The following PCNX2 variants were observed in gnomAD, a reference collection of about 807,000 sequenced individuals.
PCNX2 encodes pecanex-like protein 2.
PCNX2 carries 168 observed loss-of-function variants against 223.8 expected under a neutral mutation model. The observed-to-expected ratio is 0.75, with a 90% CI of 0.66 to 0.85. The LOEUF (loss-of-function observed/expected upper bound fraction) is 0.85. Among genes scored for constraint, PCNX2 ranks in the 40% least tolerant of loss-of-function variants. PCNX2 has a pLI of 0.00. For synonymous variants in PCNX2, 1,006 were observed against 1,052.6 expected (o/e 0.96, Z 0.86); for missense variants, 2,507 against 2,675.5 (o/e 0.94, Z 1.39).
chr1:233,171,117 G>A (rs1304027663), intron 17 of PCNX2, among the ~76,000 whole-genome samples: 4 of 151,102 alleles, frequency 2.6e-5, no homozygotes, highest in Non-Finnish European at 4.4e-5. Context: ...TTCTCCTCTC[G>A]TCTAAACTTG....
chr1:233,022,050 C>G (rs1477726871), intron 26 of PCNX2, among the ~76,000 whole-genome samples: 1 of 152,298 alleles, frequency 6.6e-6, no homozygotes, highest in Admixed American at 6.5e-5. Context: ...CATCCCTCCT[C>G]CCTTCTCTCC....
intron 8 of PCNX2, among the ~76,000 whole-genome samples, chr1:233,243,158 C>T (rs1210564685): frequency 2.6e-5 from 4 of 152,108 alleles, no homozygotes; most frequent in Admixed American, 2.6e-4. Flanking sequence ...TTCAGGAATC[C>T]CCAAAGAGAC....
At chr1:233,095,470 TA>T (rs1674106381) in intron 22 of PCNX2, 1 of 400,976 alleles carries the variant, frequency 2.5e-6, no homozygotes, top group Non-Finnish European at 4.5e-6. Context: ...TTAAGCAGTT[TA>T]AAAGACAGGG....
chr1:233,286,678 G>A (rs956232257), intron 1 of PCNX2, among the ~76,000 whole-genome samples: 1 of 152,006 alleles, frequency 6.6e-6, no homozygotes, highest in East Asian at 1.9e-4. Flanking sequence ...AGACAAGGCT[G>A]GCAAGGAGAA....
chr1:233,031,214 G>A (rs187709654), intron 25 of PCNX2, among the ~76,000 whole-genome samples: 6 of 152,248 alleles, frequency 3.9e-5, no homozygotes, highest in African/African-American at 1.4e-4. Flanking sequence ...TTCAGTACTG[G>A]TTATTCACTC....
intron 32 of PCNX2, among the ~76,000 whole-genome samples, chr1:232,992,444 A>T (rs1388482745): frequency 5.3e-5 from 8 of 152,190 alleles, no homozygotes; most frequent in African/African-American, 1.9e-4. Flanking sequence ...GAGACATGCC[A>T]GCTGCACAGA....
At chr1:233,012,382 A>G (rs547466145) in intron 28 of PCNX2, among the ~76,000 whole-genome samples, 35 of 152,220 alleles carry the variant, frequency 2.3e-4, no homozygotes, top group Middle Eastern at 3.4e-3. Context: ...TCAGAACTTC[A>G]TGACTTCAGA....
chr1:233,108,652 A>C (rs559516479), intron 21 of PCNX2, among the ~76,000 whole-genome samples: 5 of 152,246 alleles, frequency 3.3e-5, no homozygotes, highest in Non-Finnish European at 5.9e-5. Flanking sequence ...AATGGAACAA[A>C]AATTGTAATC....
At chr1:233,007,011 G>C (rs1330484092) in intron 28 of PCNX2, among the ~76,000 whole-genome samples, 1 of 151,864 alleles carries the variant, frequency 6.6e-6, no homozygotes, top group African/African-American at 2.4e-5. Context: ...CCATACACTG[G>C]TTTCGCAGTC....
intron 12 of PCNX2, among the ~76,000 whole-genome samples, chr1:233,214,452 T>A (rs1052710281): frequency 6.6e-6 from 1 of 152,130 alleles, no homozygotes; most frequent in Non-Finnish European, 1.5e-5. Flanking sequence ...GCCTCCACCA[T>A]AATGACTTGG....
chr1:233,020,031 T>C (rs544194237), intron 26 of PCNX2, among the ~76,000 whole-genome samples: 2 of 152,102 alleles, frequency 1.3e-5, no homozygotes, highest in South Asian at 2.1e-4. Flanking sequence ...ACATACCAGA[T>C]AGGAATAACA....
chr1:233,143,406 C>G (rs1391321098), intron 19 of PCNX2, among the ~76,000 whole-genome samples: 1 of 152,218 alleles, frequency 6.6e-6, no homozygotes, highest in Non-Finnish European at 1.5e-5. Context: ...TTCTACATTT[C>G]TAATAAACTT....
chr1:232,995,580 G>A (rs1669847356), intron 32 of PCNX2, among the ~76,000 whole-genome samples: 2 of 152,136 alleles, frequency 1.3e-5, no homozygotes, highest in Non-Finnish European at 2.9e-5. Context: ...GCTGGGGGGT[G>A]AAGGGGGGAA....
intron 21 of PCNX2, among the ~76,000 whole-genome samples, chr1:233,107,186 T>TACACACACAC (rs112899127): frequency 2.7e-5 from 3 of 112,712 alleles, no homozygotes; most frequent in South Asian, 2.6e-4. Context: ...ACATGTATTA[T>TACACACACAC]ACACACACAC....
At chr1:233,323,088 G>T in the PCNX2 span, among the ~76,000 whole-genome samples, 3 of 152,118 alleles carry the variant, frequency 2.0e-5, no homozygotes, top group Non-Finnish European at 4.4e-5. Context: ...AACCCAAGAA[G>T]CTCTGAAAAT....
At chr1:233,300,060 T>C (rs1251776416), upstream of PCNX2, among the ~76,000 whole-genome samples, 1 of 152,252 alleles carries the variant, frequency 6.6e-6, no homozygotes, top group Non-Finnish European at 1.5e-5. Context: ...TTCATGAGTC[T>C]ACACCTTGGC....
intron 6 of PCNX2, 70 bp from the exon 7 acceptor site, chr1:233,252,569 G>A (rs1465633537): frequency 1.3e-6 from 2 of 1,585,448 alleles, no homozygotes; most frequent in African/African-American, 2.7e-5. Flanking sequence ...AGCATTAAAA[G>A]CAGAAGCCAG....
intron 28 of PCNX2, among the ~76,000 whole-genome samples, chr1:233,003,349 A>C (rs915291418): frequency 5.4e-4 from 83 of 152,376 alleles, no homozygotes; most frequent in Non-Finnish European, 9.0e-4. Context: ...AAGGATATGA[A>C]CAGATACTTC....
chr1:233,283,689 C>A, intron 1 of PCNX2, among the ~76,000 whole-genome samples: 1 of 150,240 alleles, frequency 6.7e-6, no homozygotes. Flanking sequence ...ACTATGAGGA[C>A]GGGGGAAAAA....
Sources: allele counts gnomAD v4.1 joint callset (sites outside exome capture counted in the v4.1 genomes callset), GRCh38; gene constraint gnomAD v4.1.1; transcripts MANE v1.5; gene names NCBI Gene and HGNC (gene_info 2026-07-23, HGNC 2026-07-21).